The following CLOCK variants were observed in gnomAD, a reference collection of about 807,000 sequenced individuals.
CLOCK encodes the protein clock circadian regulator.
CLOCK carries 43 observed loss-of-function variants against 118.4 expected under a neutral mutation model. The observed-to-expected ratio is 0.36, with a 90% CI of 0.28 to 0.47. The LOEUF is 0.47. CLOCK is among the 20% of genes least tolerant of loss of function. The pLI, the probability that CLOCK is intolerant of heterozygous loss-of-function variation, is 1.00. For synonymous variants in CLOCK, 326 were observed against 339.2 expected, an observed-to-expected ratio of 0.96 and a Z score of 0.43; for missense variants, 846 against 999.9, an observed-to-expected ratio of 0.85 and a Z score of 2.08.
At position 55,435,072 on chromosome 4, in the gene CLOCK, G is replaced by T. The variant is rs1362221074; in HGVS notation, c.*343C>A. On this transcript the variant is annotated 3_prime_UTR_variant, in exon 23 of 23. Transcript: ENST00000513440. ...GATAAGAGGCACAGAACCACTAAAA[G>T]TTACTAACATCATTAGTGCCTTTCT... The T allele has an allele frequency of 1.5e-5, 5 of 343,604 alleles. No individual in the cohort carries two copies. Among genetic ancestry groups the T allele is most frequent in the African/African-American group, 1.1e-4 (5 of 46,902 alleles). 21.3% of individuals were successfully genotyped at this position (343,604 alleles called of 1,614,324 possible).
chr4:55,450,071 T>A lies in CLOCK; in HGVS notation c.1348+20A>T. 2 of 1,614,064 alleles carry A rather than the reference T, an allele frequency of 1.2e-6. No homozygotes were observed. Among genetic ancestry groups the A allele is most frequent in the Non-Finnish European group, 1.7e-6 (2 of 1,179,940 alleles). ...GTTAGTTACTTTAAAGGAAGTCTGC[T>A]TTGAAGCAAGGGTACTCACAGGAAG... On this transcript the variant is annotated intron_variant, in intron 16 of 22. Coordinates refer to ENST00000513440, the MANE Select transcript of CLOCK (RefSeq NM_004898.4).
intron 22 of CLOCK, among the ~76,000 whole-genome samples, chr4:55,437,133 T>C (rs1207656369): frequency 6.6e-6 from 1 of 152,218 alleles, no homozygotes; most frequent in African/African-American, 2.4e-5. Flanking sequence ...TCTAAAAGAC[T>C]GTATGACTCT....
rs183087579 is a variant in CLOCK at position 55,528,099 on chromosome 4, T to A, written c.-289-18034A>T. On this transcript the variant is annotated intron_variant, in intron 1 of 22. Transcript: ENST00000513440. ...GAGGCCAAGGGCAGTGGCTAACGCC[T>A]GTAATCCCAGCACTTTGGGAGGCTG... Among the ~76,000 whole-genome samples the A allele has an allele frequency of 2.2e-3, 336 of 151,938 alleles. 1 individual carries two copies. Among genetic ancestry groups the A allele is most frequent in the Admixed American group, 3.8e-3 (58 of 15,260 alleles).
intron 6 of CLOCK, 27 bp downstream of exon 6, chr4:55,478,788 T>C (rs1205363477): frequency 6.2e-7 from 1 of 1,606,402 alleles, no homozygotes; most frequent in Non-Finnish European, 8.5e-7. Flanking sequence ...TGAGAGTCTG[T>C]TCCATTTTAC....
chr4:55,483,710 T>C lies in CLOCK; in HGVS notation c.-43-882A>G, dbSNP rs141858787. On this transcript the variant is annotated intron_variant, in intron 3 of 22. Transcript: ENST00000513440. ...ACTAAGAGGTTTAGCATTTTCCTTA[T>C]GAAAAACCTGGGATGTTACAATTTA... Among the ~76,000 whole-genome samples, 374 of 152,282 alleles carry C rather than the reference T, an allele frequency of 2.5e-3. 2 individuals are homozygous for C. Among genetic ancestry groups the C allele is most frequent in the African/African-American group, 8.2e-3 (341 of 41,572 alleles).
chr4:55,428,872 T>C lies in CLOCK; in HGVS notation c.*6543A>G, dbSNP rs907217213. The C allele has an allele frequency of 2.4e-4, 37 of 151,258 alleles. No homozygotes were observed. Among genetic ancestry groups the C allele is most frequent in the African/African-American group, 6.3e-4 (26 of 41,124 alleles). The allele number at this position is 151,258 out of a possible 1,614,324, so 9.4% of individuals were successfully genotyped here. Reference sequence around the variant, plus strand: ...GGCTTCAATCTTTACATAGAGTGAATATGAAAATGCCATACTGAGGCCTTC... The same window carrying C: ...GGCTTCAATCTTTACATAGAGTGAACATGAAAATGCCATACTGAGGCCTTC... On this transcript the variant is annotated 3_prime_UTR_variant, in exon 23 of 23. Coordinates refer to ENST00000513440, the MANE Select transcript of CLOCK (RefSeq NM_004898.4).
intron 9 of CLOCK, among the ~76,000 whole-genome samples, chr4:55,463,478 T>C (rs375047754): frequency 6.6e-6 from 1 of 152,082 alleles, no homozygotes; most frequent in East Asian, 1.9e-4. Flanking sequence ...ACAAATAAGA[T>C]GGGATTTCAA....
intron 7 of CLOCK, among the ~76,000 whole-genome samples, chr4:55,471,213 C>G (rs543254122): frequency 6.6e-6 from 1 of 152,220 alleles, no homozygotes; most frequent in East Asian, 1.9e-4. Context: ...GATATGTTAA[C>G]ACAGAGGTGT....
intron 1 of CLOCK, among the ~76,000 whole-genome samples, chr4:55,528,452 T>C (rs1425596304): frequency 6.6e-6 from 1 of 151,672 alleles, no homozygotes; most frequent in Non-Finnish European, 1.5e-5. Flanking sequence ...ACCTGGGGAG[T>C]GAATGAGATG....
intron 18 of CLOCK, 99 bp from the exon 19 acceptor site, chr4:55,444,884 G>A: frequency 1.6e-6 from 2 of 1,229,690 alleles, no homozygotes; most frequent in Non-Finnish European, 2.3e-6. Context: ...ATGAGTGAAG[G>A]ATGATAACAT....
At chr4:55,520,303 C>T (rs1729778677) in intron 1 of CLOCK, among the ~76,000 whole-genome samples, 1 of 152,164 alleles carries the variant, frequency 6.6e-6, no homozygotes, top group Non-Finnish European at 1.5e-5. Context: ...CTCCCAAAAC[C>T]TTGACTTCTA....
At chr4:55,439,142 G>A (rs899319863) in intron 21 of CLOCK, among the ~76,000 whole-genome samples, 5 of 152,120 alleles carry the variant, frequency 3.3e-5, no homozygotes, top group Non-Finnish European at 7.4e-5. Context: ...TAACCAGAAT[G>A]TCTAAGAGCT....
chr4:55,457,766 G>A (rs552628373), intron 11 of CLOCK, among the ~76,000 whole-genome samples: 18 of 152,134 alleles, frequency 1.2e-4, no homozygotes, highest in African/African-American at 4.3e-4. Context: ...TTGAGAGCTT[G>A]GGCTTTGAGA....
chr4:55,448,764 A>G lies in CLOCK; in HGVS notation c.1539+15T>C. On this transcript the variant is annotated intron_variant, in intron 18 of 22. Coordinates refer to ENST00000513440, the MANE Select transcript of CLOCK (RefSeq NM_004898.4). ...CATATTCAAATACGCAACTGAAACA[A>G]AAACCAAAAAGTACCTGGGACATGC... 1.2e-6 allele frequency: 2 copies of G among 1,610,118 alleles called. No individual in the cohort carries two copies. Among genetic ancestry groups the G allele is most frequent in the Non-Finnish European group, 1.7e-6 (2 of 1,176,800 alleles).
chr4:55,493,109 C>G (rs116428204), intron 2 of CLOCK, among the ~76,000 whole-genome samples: 1 of 152,048 alleles, frequency 6.6e-6, no homozygotes, highest in Non-Finnish European at 1.5e-5. Context: ...TTGTCCAATA[C>G]TAGAGGCCTA....
At chr4:55,500,998 T>C (rs1256508048) in intron 2 of CLOCK, among the ~76,000 whole-genome samples, 5 of 152,020 alleles carry the variant, frequency 3.3e-5, no homozygotes, top group Admixed American at 2.0e-4. Context: ...ACTACAGGCA[T>C]GCACCACCAT....
chr4:55,452,605 T>C (rs2412646), intron 15 of CLOCK: 102,040 of 172,352 alleles, frequency 0.59, 31,980 homozygotes, highest in South Asian at 0.8. Context: ...TAATATACTA[T>C]ACTTCTGACC....
chr4:55,537,572 T>C (rs1315986927), intron 1 of CLOCK, among the ~76,000 whole-genome samples: 5 of 152,050 alleles, frequency 3.3e-5, no homozygotes, highest in African/African-American at 1.2e-4. Context: ...GACCCCGTGA[T>C]TGGGCCACTG....
At chr4:55,472,467 C>T (rs1023173392) in intron 7 of CLOCK, among the ~76,000 whole-genome samples, 1 of 152,158 alleles carries the variant, frequency 6.6e-6, no homozygotes, top group African/African-American at 2.4e-5. Flanking sequence ...AGAAGATACA[C>T]AGCACAAAAG....
Sources: gnomAD v4.1 joint callset for allele counts (sites outside exome capture counted in the v4.1 genomes callset) on GRCh38, gnomAD v4.1.1 for gene constraint, MANE v1.5 for transcripts, NCBI Gene and HGNC (gene_info 2026-07-23, HGNC 2026-07-21) for gene names.